FAM193A: variants seen among roughly 807,000 people sequenced by gnomAD.
The protein encoded by FAM193A is protein FAM193A.
Under a neutral mutation model 126.5 loss-of-function variants are expected in FAM193A, and 22 were observed. The ratio of observed to expected loss-of-function variants is 0.17; its 90% CI spans 0.12 to 0.25. The LOEUF is 0.25. Ranked by LOEUF, FAM193A falls within the 10% of genes least tolerant of loss-of-function variation. The probability of loss-of-function intolerance (pLI) is 1.00; values close to 1 mark genes in which losing one functional copy is unlikely to be tolerated. For synonymous variants in FAM193A, 761 were observed against 646.8 expected (o/e 1.18, Z -2.68); for missense variants, 1,675 against 1,672.8 (o/e 1.00, Z -0.02).
chr4:2,637,045 G>T (rs539054538), intron 5 of FAM193A, among the ~76,000 whole-genome samples: 3 of 152,122 alleles, frequency 2.0e-5, no homozygotes, highest in Non-Finnish European at 4.4e-5. Flanking sequence ...AAAATTGGGG[G>T]AGTGGGCATG....
At chr4:2,667,622 G>GTAAA (rs1273821001) in intron 12 of FAM193A, among the ~76,000 whole-genome samples, 3 of 152,022 alleles carry the variant, frequency 2.0e-5, no homozygotes, top group African/African-American at 7.2e-5. Context: ...CCACCTTCTT[G>GTAAA]GGTTACTGTG....
At chr4:2,574,986 T>A (rs757229060) in intron 1 of FAM193A, among the ~76,000 whole-genome samples, 2 of 152,060 alleles carry the variant, frequency 1.3e-5, no homozygotes, top group Admixed American at 6.5e-5. Context: ...CTCTGTTGGC[T>A]CACACTCCTC....
At chr4:2,597,427 C>A (rs1740927038) in intron 2 of FAM193A, among the ~76,000 whole-genome samples, 1 of 152,132 alleles carries the variant, frequency 6.6e-6, no homozygotes, top group South Asian at 2.1e-4. Context: ...ATCAGCTCTT[C>A]TTCCGACTCC....
chr4:2,691,142 T>C (rs1432241497), intron 15 of FAM193A, among the ~76,000 whole-genome samples, 172 bp downstream of exon 15: 1 of 152,264 alleles, frequency 6.6e-6, no homozygotes, highest in East Asian at 1.9e-4. Flanking sequence ...CCCTAGGACT[T>C]TGATTAGAAT....
intron 1 of FAM193A, among the ~76,000 whole-genome samples, chr4:2,545,508 A>G (rs28498784): frequency 0.33 from 50,710 of 151,728 alleles, 9,980 homozygotes; most frequent in Admixed American, 0.54. Context: ...TGATGTGTCT[A>G]TTCCTTTCTG....
intron 20 of FAM193A, among the ~76,000 whole-genome samples, chr4:2,720,521 A>G (rs1443991140): frequency 6.6e-6 from 1 of 151,958 alleles, no homozygotes; most frequent in East Asian, 1.9e-4. Context: ...GTGTGGTGAC[A>G]TGCACCTGTG....
rs74310692 is a variant in FAM193A, at chr4:2,665,165, T to TA, written c.2079+1884dup. ...CATCTTTAATTTTTCTCAGTAGTTC[T>TA]AAAAAAATTCCAGTCTTTGTGTCTG... On this transcript the variant is annotated intron_variant, in intron 12 of 20. Coordinates refer to ENST00000637812, the MANE Select transcript of FAM193A (RefSeq NM_001366318.2). Among the ~76,000 whole-genome samples, 438 of 152,320 alleles carry TA rather than the reference T, an allele frequency of 2.9e-3. 19 individuals carry two copies. The East Asian group carries it at 0.08, about 28-fold the overall frequency.
chr4:2,566,634 G>A (rs992952700), intron 1 of FAM193A, among the ~76,000 whole-genome samples: 1 of 152,030 alleles, frequency 6.6e-6, no homozygotes, highest in Non-Finnish European at 1.5e-5. Context: ...GTTGCAGTGA[G>A]CCAAGATCAC....
chr4:2,554,586 G>GT (rs1392624344), intron 1 of FAM193A, among the ~76,000 whole-genome samples: 16 of 151,548 alleles, frequency 1.1e-4, no homozygotes, highest in East Asian at 3.9e-4. Context: ...TTGGCTGATA[G>GT]TTTTTTTTTG....
In FAM193A at chr4:2,627,408, C is replaced by T. The variant is rs192234494; in HGVS notation, c.803+831C>T. On this transcript the variant is annotated intron_variant, in intron 4 of 20. Transcript: ENST00000637812. Reference sequence around the variant, plus strand: ...ACATAATCCACCTGCCTTGACCTCCCAAAGTGCTGGGATTACAGGCGTGAG... The same window carrying T: ...ACATAATCCACCTGCCTTGACCTCCTAAAGTGCTGGGATTACAGGCGTGAG... Among the ~76,000 whole-genome samples the T allele has an allele frequency of 2.8e-5, 2 of 72,550 alleles. 1 individual carries two copies. The highest frequency in any genetic ancestry group is 7.8e-5 in the Non-Finnish European group (2 of 25,692). 47.6% of individuals were successfully genotyped at this position (72,550 alleles called of 152,430 possible). A position where few individuals can be genotyped will look rare whatever the true frequency, so the allele number is the denominator to read the frequency against.
At chr4:2,593,068 A>G (rs1240488222) in intron 1 of FAM193A, among the ~76,000 whole-genome samples, 1 of 152,058 alleles carries the variant, frequency 6.6e-6, no homozygotes, top group Admixed American at 6.6e-5. Context: ...CTTCCCAAAC[A>G]ACCCTCCTAT....
Position 2,585,056 on chromosome 4 carries a change from A to T in FAM193A, c.256-11028A>T, listed in dbSNP as rs186653138. On this transcript the variant is annotated intron_variant, in intron 1 of 20. Transcript: ENST00000637812. ...AACTTGTCTCACCCAACAATATTTG[A>T]AAGATTTATTTGTTTTGAACTTAGC... Among the ~76,000 whole-genome samples the T allele has an allele frequency of 1.3e-3, 200 of 152,310 alleles. 1 individual carries two copies. The highest frequency in any genetic ancestry group is 4.7e-3 in the African/African-American group (196 of 41,554).
At chr4:2,693,506 T>C (rs1048017512) in intron 15 of FAM193A, 80 bp from the exon 16 acceptor site, 2 of 1,360,148 alleles carry the variant, frequency 1.5e-6, no homozygotes, top group Non-Finnish European at 1.0e-6. Flanking sequence ...GGGTACTCTT[T>C]GTGTGTTCTT....
rs556976420 is a variant in FAM193A, at chr4:2,686,670, A to T, written c.2332-2836A>T. ...CCAGGCTTTTCAAACCTGAAACCAAACAACTCATGGTCGTGTCTTGAGGAG... is the reference window on the plus strand; with the variant it reads ...CCAGGCTTTTCAAACCTGAAACCAATCAACTCATGGTCGTGTCTTGAGGAG... On this transcript the variant is annotated intron_variant, in intron 13 of 20. Transcript: ENST00000637812. Among the ~76,000 whole-genome samples, 5 of 152,304 alleles carry T rather than the reference A, an allele frequency of 3.3e-5. No homozygotes were observed. In the East Asian group the frequency reaches 9.7e-4, roughly 29 times the overall value.
intron 1 of FAM193A, among the ~76,000 whole-genome samples, chr4:2,553,123 C>T (rs971520606): frequency 1.2e-4 from 19 of 152,128 alleles, no homozygotes; most frequent in South Asian, 4.1e-4. Context: ...GCTGGGATTA[C>T]GGGCTTGAGC....
At chr4:2,643,136 C>T (rs955201992) in intron 6 of FAM193A, among the ~76,000 whole-genome samples, 3 of 152,122 alleles carry the variant, frequency 2.0e-5, no homozygotes, top group Non-Finnish European at 2.9e-5. Flanking sequence ...TGAGGCCAAC[C>T]AGCACGTTCC....
At position 2,689,557 on chromosome 4, in the gene FAM193A, A is replaced by G. The variant is rs1400772406; in HGVS notation, c.2383A>G (p.Asn795Asp). ...TCACACAAATAAGCATCAGGTATTC[A>G]ATGCATCTCTTCAAGACCATATTTA... ...QNHTNKHQVF[N>D]ASLQDHIYPS... The change falls in exon 14 of 21, where the codon AAT (asparagine) becomes GAT (aspartate). Residue 795 changes from asparagine to aspartate, a missense_variant. Around this residue, in one of 4 missense-constraint regions of FAM193A, gnomAD observed 1,186 missense variants for 1,109.2 expected, o/e 1.07. Transcript: ENST00000637812. 7 of 1,546,658 alleles carry G rather than the reference A, an allele frequency of 4.5e-6. No homozygotes were observed. The highest frequency in any genetic ancestry group is 1.4e-5 in the African/African-American group (1 of 70,378).
chr4:2,623,088 G>A (rs899366337), intron 2 of FAM193A, among the ~76,000 whole-genome samples: 1 of 151,888 alleles, frequency 6.6e-6, no homozygotes, highest in African/African-American at 2.4e-5. Context: ...TGCTTCCCCA[G>A]CAGGACCTAT....
intron 1 of FAM193A, among the ~76,000 whole-genome samples, chr4:2,544,259 A>T (rs1737414950): frequency 6.6e-6 from 1 of 152,202 alleles, no homozygotes; most frequent in South Asian, 2.1e-4. Flanking sequence ...TGTAATAAAT[A>T]TATCAAGATA....
Sources: gnomAD v4.1 joint callset for allele counts (sites outside exome capture counted in the v4.1 genomes callset) on GRCh38, gnomAD v4.1.1 for gene constraint, gnomAD v4.1.1 regional missense constraint, MANE v1.5 for transcripts, NCBI Gene and HGNC (gene_info 2026-07-23, HGNC 2026-07-21) for gene names.